CPHXL: variants seen among roughly 807,000 people sequenced by gnomAD.
CPHXL encodes the protein cytoplasmic polyadenylated homeobox-like protein.
chr16:75,721,652 T>A (rs1231428610), intron 1 of CPHXL, among the ~76,000 whole-genome samples: 2 of 152,118 alleles, frequency 1.3e-5, no homozygotes, highest in Non-Finnish European at 2.9e-5. Context: ...AGAATAATAA[T>A]GGGAGACTTT....
rs1482540622 is a variant in CPHXL, at chr16:75,714,789, G to C, written c.653C>G (p.Pro218Arg). ...ACCTCCATACCCCATAGCACAGCCT[G>C]GATGCTTTTCAGTGCCTGTGACCAG... ...SYLVTGTEKHPGCAMGYGGDT... is the reference protein window; with the variant it reads ...SYLVTGTEKHRGCAMGYGGDT... Residue 218 changes from proline to arginine, a missense_variant, in exon 3 of 3, where the codon CCA becomes CGA. Pro to Arg is a moderately radical substitution (Grantham distance 103). Transcript: ENST00000640559. 2.5e-6 allele frequency: 1 copy of C among 398,662 alleles called. No homozygotes were observed. The highest frequency in any genetic ancestry group is 3.6e-5 in the East Asian group (1 of 28,084). 24.7% of individuals were successfully genotyped at this position (398,662 alleles called of 1,614,324 possible).
chr16:75,717,984 A>T (rs2151838751), intron 2 of CPHXL, among the ~76,000 whole-genome samples: 1 of 152,170 alleles, frequency 6.6e-6, no homozygotes, highest in African/African-American at 2.4e-5. Flanking sequence ...GGACTTTGGG[A>T]TGCTGAGGTG....
intron 1 of CPHXL, among the ~76,000 whole-genome samples, chr16:75,720,197 TCTC>T (rs1245914088): frequency 2.0e-5 from 3 of 152,018 alleles, no homozygotes; most frequent in Admixed American, 1.3e-4. Flanking sequence ...TCAGAGTGCC[TCTC>T]CTCCTCCAAA....
chr16:75,722,690 A>C (rs1340735157), intron 1 of CPHXL, among the ~76,000 whole-genome samples: 1 of 152,226 alleles, frequency 6.6e-6, no homozygotes, highest in Non-Finnish European at 1.5e-5. Context: ...AGAGCTAGTA[A>C]CATTCTTTCT....
chr16:75,722,803 A>G (rs980562873), intron 1 of CPHXL, among the ~76,000 whole-genome samples: 1 of 152,180 alleles, frequency 6.6e-6, no homozygotes, highest in Admixed American at 6.5e-5. Context: ...CAACAAAAAG[A>G]GAATTTTAGA....
intron 1 of CPHXL, among the ~76,000 whole-genome samples, chr16:75,724,295 GC>G (rs1959522240): frequency 6.6e-6 from 1 of 152,188 alleles, no homozygotes; most frequent in South Asian, 2.1e-4. Context: ...AAACTAAAGA[GC>G]TTCTGCACAG....
intron 1 of CPHXL, among the ~76,000 whole-genome samples, chr16:75,720,804 G>T (rs1375805478): frequency 1.3e-5 from 2 of 152,190 alleles, no homozygotes; most frequent in Non-Finnish European, 2.9e-5. Flanking sequence ...ATAATTGTCA[G>T]ATTCACCAAA....
chr16:75,722,018 G>T (rs547229446), intron 1 of CPHXL, among the ~76,000 whole-genome samples: 1 of 152,258 alleles, frequency 6.6e-6, no homozygotes, highest in Non-Finnish European at 1.5e-5. Flanking sequence ...GGTACAAAAC[G>T]AAATGAAGGC....
At chr16:75,724,745 T>A (rs1260210766) in intron 1 of CPHXL, among the ~76,000 whole-genome samples, 16 of 152,170 alleles carry the variant, frequency 1.1e-4, no homozygotes, top group Admixed American at 2.0e-4. Context: ...GAACTAGAAA[T>A]GCCATTTGAC....
intron 1 of CPHXL, among the ~76,000 whole-genome samples, chr16:75,722,561 A>G (rs905025907): frequency 1.3e-5 from 2 of 152,248 alleles, no homozygotes; most frequent in African/African-American, 4.8e-5. Context: ...ACCAGGAAGA[A>G]GCTGAATCTC....
rs762520641 is a variant in CPHXL, at chr16:75,714,567, T to G, written c.875A>C (p.Asp292Ala). The change falls in exon 3 of 3, where the codon GAC (aspartate) becomes GCC (alanine). Residue 292 changes from aspartate to alanine, a missense_variant. By Grantham distance (126) the Asp-to-Ala change is moderately radical (BLOSUM62 -2). Transcript: ENST00000640559. ...YAQGAYGVKKDHCLCSFCLSL... is the reference protein window; with the variant it reads ...YAQGAYGVKKAHCLCSFCLSL... The stretch of plus-strand genomic sequence containing the variant: ...GAGACAGAATGAGCAAAGACAATGG[T>G]CTTTCTTCACCCCATATGCACCTTG... 1.5e-4 allele frequency: 61 copies of G among 398,472 alleles called. No individual in the cohort carries two copies. Among genetic ancestry groups the G allele is most frequent in the Non-Finnish European group, 2.3e-4 (51 of 226,068 alleles). The allele number at this position is 398,472 out of a possible 1,614,324, so 24.7% of individuals were successfully genotyped here. A position where few individuals can be genotyped will look rare whatever the true frequency, so the allele number is the denominator to read the frequency against.
chr16:75,719,210 A>C (rs533790352), intron 1 of CPHXL, among the ~76,000 whole-genome samples: 18 of 152,210 alleles, frequency 1.2e-4, no homozygotes, highest in Admixed American at 2.0e-4. Context: ...TCCATTTCCA[A>C]CTGAGGTACT....
At position 75,717,186 on chromosome 16, in the gene CPHXL, C is replaced by T. The variant is rs1193369257; in HGVS notation, c.219+1079G>A. ...GCACAGCTAGCAAGCTGGCCCAAAC[C>T]ACCGTCACCACCACTAACTACAGCA... On this transcript the variant is annotated intron_variant, in intron 2 of 2. Coordinates refer to ENST00000640559, the MANE Select transcript of CPHXL (RefSeq NM_001355613.1). 2.6e-5 allele frequency among the ~76,000 whole-genome samples: 4 copies of T among 152,218 alleles called. No individual in the cohort carries two copies. The East Asian group carries it at 7.7e-4, about 29-fold the overall frequency.
intron 1 of CPHXL, among the ~76,000 whole-genome samples, chr16:75,721,310 AT>A (rs1959473800): frequency 6.6e-6 from 1 of 152,228 alleles, no homozygotes; most frequent in Admixed American, 6.5e-5. Flanking sequence ...ACACTGGCAA[AT>A]TGGATAAAGA....
In CPHXL at chr16:75,718,284, C is replaced by A. The variant is rs1959422602; in HGVS notation, c.200G>T (p.Cys67Phe). Residue 67 changes from cysteine to phenylalanine, a missense_variant, in exon 2 of 3, where the codon TGT (cysteine) becomes TTT (phenylalanine). By Grantham distance (205) the Cys-to-Phe change is radical. Transcript: ENST00000640559. ...TRKTLAIKFD[C>F]PVNVIDNWFQ... is the part of the protein sequence containing the mutation. ...ACTTACATCTATCACATTTACCGGACAATCAAATTTGATGGCCAGTGTTTT... is the reference window on the plus strand; with the variant it reads ...ACTTACATCTATCACATTTACCGGAAAATCAAATTTGATGGCCAGTGTTTT... 2 of 398,660 alleles carry A rather than the reference C, an allele frequency of 5.0e-6. No homozygotes were observed. The highest frequency in any genetic ancestry group is 8.8e-6 in the Non-Finnish European group (2 of 226,214). The allele number at this position is 398,660 out of a possible 1,614,324, so 24.7% of individuals were successfully genotyped here.
Position 75,718,249 on chromosome 16 carries a change from G to A in CPHXL, c.219+16C>T. ...AAAAAAATCTAGGAAATATACATAT[G>A]AGGTCTTGAACTTACATCTATCACA... On this transcript the variant is annotated intron_variant, in intron 2 of 2. Coordinates refer to ENST00000640559, the MANE Select transcript of CPHXL (RefSeq NM_001355613.1). 2.5e-6 allele frequency: 1 copy of A among 398,520 alleles called. No homozygotes were observed. The highest frequency in any genetic ancestry group is 3.6e-5 in the East Asian group (1 of 28,062). The allele number at this position is 398,520 out of a possible 1,614,324, so 24.7% of individuals were successfully genotyped here. A position where few individuals can be genotyped will look rare whatever the true frequency, so the allele number is the denominator to read the frequency against.
At chr16:75,725,669 G>A (rs1050894148) in intron 1 of CPHXL, among the ~76,000 whole-genome samples, 1 of 149,560 alleles carries the variant, frequency 6.7e-6, no homozygotes, top group Middle Eastern at 3.5e-3. Flanking sequence ...AGCCAGGATG[G>A]TCTCAATATC....
At chr16:75,725,366 G>A in intron 1 of CPHXL, among the ~76,000 whole-genome samples, 1 of 152,008 alleles carries the variant, frequency 6.6e-6, no homozygotes, top group Non-Finnish European at 1.5e-5. Context: ...TCAGCTCACT[G>A]CAATCTCCGC....
intron 1 of CPHXL, among the ~76,000 whole-genome samples, chr16:75,722,631 G>C (rs1404274614): frequency 1.3e-5 from 2 of 152,170 alleles, no homozygotes; most frequent in African/African-American, 4.8e-5. Context: ...ACCAAAAAAA[G>C]TCCAGGACCA....
Sources: gnomAD v4.1 joint callset for allele counts (sites outside exome capture counted in the v4.1 genomes callset) on GRCh38, gnomAD v4.1.1 for gene constraint, MANE v1.5 for transcripts, NCBI Gene and HGNC (gene_info 2026-07-23, HGNC 2026-07-21) for gene names.